PLEKHG1: variants seen among roughly 807,000 people sequenced by gnomAD.
The protein encoded by PLEKHG1 is pleckstrin homology and RhoGEF domain containing G1, also known as pleckstrin homology domain-containing family G member 1.
Under a neutral mutation model 100.8 loss-of-function variants are expected in PLEKHG1, and 44 were observed. The ratio of observed to expected loss-of-function variants is 0.44; its 90% confidence interval spans 0.34 to 0.56. The LOEUF (loss-of-function observed/expected upper bound fraction) is 0.56, where lower values mean the gene tolerates loss of function less well. Among genes scored for constraint, PLEKHG1 ranks in the 20% least tolerant of loss-of-function variants. PLEKHG1 has a pLI of 0.01. For missense variants in PLEKHG1, 1,545 were observed against 1,720.9 expected, an observed-to-expected ratio of 0.90 and a Z score of 1.81; for synonymous variants, 640 against 662.5, an observed-to-expected ratio of 0.97 and a Z score of 0.52.
At chr6:150,684,403 G>A (rs1780041463) in intron 3 of PLEKHG1, among the ~76,000 whole-genome samples, 3 of 152,358 alleles carry the variant, frequency 2.0e-5, no homozygotes, top group Non-Finnish European at 4.4e-5. Context: ...GTTCTCCTAC[G>A]TGGGAAATCC....
chr6:150,633,816 G>T (rs1396082333), intron 1 of PLEKHG1, among the ~76,000 whole-genome samples: 1 of 152,188 alleles, frequency 6.6e-6, no homozygotes, highest in East Asian at 1.9e-4. Context: ...GAGGCTGAGA[G>T]TCAGTGCAGA....
intron 4 of PLEKHG1, among the ~76,000 whole-genome samples, chr6:150,794,814 G>A (rs1786220376): frequency 6.6e-6 from 1 of 152,076 alleles, no homozygotes. Context: ...GTTGGACGAT[G>A]GAAACTTGGG....
chr6:150,821,251 T>C lies in PLEKHG1; in HGVS notation c.1447+18T>C. On this transcript the variant is annotated intron_variant, in intron 13 of 15. Transcript: ENST00000358517. ...GACCAGTGGTAAGTCGTAAAATATA[T>C]TTTCCTGTTTCATTCTTGTTGATAT... 1 of 1,568,718 alleles carries C rather than the reference T, an allele frequency of 6.4e-7. No homozygotes were observed. The highest frequency in any genetic ancestry group is 8.8e-7 in the Non-Finnish European group (1 of 1,139,020).
intron 3 of PLEKHG1, among the ~76,000 whole-genome samples, chr6:150,661,650 T>G (rs1779198702): frequency 6.6e-6 from 1 of 152,088 alleles, no homozygotes; most frequent in South Asian, 2.1e-4. Flanking sequence ...TGTTCTGGAG[T>G]GGTTCTTGCA....
chr6:150,627,674 G>A (rs11155745), intron 1 of PLEKHG1, among the ~76,000 whole-genome samples: 39,305 of 152,036 alleles, frequency 0.26, 5,599 homozygotes, highest in Non-Finnish European at 0.33. Flanking sequence ...AAAATCCAAC[G>A]TTGACACATA....
At chr6:150,758,850 C>T (rs1783996407) in intron 2 of PLEKHG1, among the ~76,000 whole-genome samples, 1 of 152,192 alleles carries the variant, frequency 6.6e-6, no homozygotes, top group South Asian at 2.1e-4. Flanking sequence ...TCAGAGCTTC[C>T]ATCTTTCTCT....
At chr6:150,775,617 G>A (rs1784921715) in intron 3 of PLEKHG1, among the ~76,000 whole-genome samples, 1 of 152,208 alleles carries the variant, frequency 6.6e-6, no homozygotes, top group Non-Finnish European at 1.5e-5. Context: ...GCTGAGGAAT[G>A]TGCAATTAAT....
chr6:150,787,380 C>T (rs879936666), intron 4 of PLEKHG1, among the ~76,000 whole-genome samples: 1 of 152,206 alleles, frequency 6.6e-6, no homozygotes, highest in Non-Finnish European at 1.5e-5. Flanking sequence ...CCTACCCTTT[C>T]CTACAATGTG....
At chr6:150,708,296 T>C (rs1403188338) in intron 3 of PLEKHG1, among the ~76,000 whole-genome samples, 1 of 152,128 alleles carries the variant, frequency 6.6e-6, no homozygotes, top group Admixed American at 6.5e-5. Flanking sequence ...AAGAATGGCC[T>C]TCTGCTTATT....
At chr6:150,766,212 GAGAATAA>G (rs536185656) in intron 2 of PLEKHG1, among the ~76,000 whole-genome samples, 127 of 152,266 alleles carry the variant, frequency 8.3e-4, no homozygotes, top group African/African-American at 3.0e-3. Context: ...GATCCTCTTG[GAGAATAA>G]TTGTTTTCAG....
chr6:150,677,284 A>G (rs1168523344), intron 3 of PLEKHG1, among the ~76,000 whole-genome samples: 1 of 101,934 alleles, frequency 9.8e-6, no homozygotes, highest in Admixed American at 1.1e-4. Flanking sequence ...TTCTTCCCCT[A>G]TACACACACA....
At position 150,698,497 on chromosome 6, in the gene PLEKHG1, T is replaced by TACACAC. The variant is rs1373891916; in HGVS notation, c.-98-35086_-98-35085insCACACA. Among the ~76,000 whole-genome samples, 170 of 23,560 alleles carry TACACAC rather than the reference T, an allele frequency of 7.2e-3. 1 individual carries two copies. Among genetic ancestry groups the TACACAC allele is most frequent in the African/African-American group, 0.018 (155 of 8,462 alleles). The allele number at this position is 23,560 out of a possible 152,430, so 15.5% of individuals were successfully genotyped here. On this transcript the variant is annotated intron_variant, in intron 3 of 3. Coordinates refer to the PLEKHG1 transcript ENST00000367326. ...GATTGCGTGTGTATACAATACTATA[T>TACACAC]ATACACACACACGTACATGAAAAAG...
chr6:150,737,902 C>T (rs1782658157), intron 2 of PLEKHG1, among the ~76,000 whole-genome samples: 1 of 152,022 alleles, frequency 6.6e-6, no homozygotes, highest in African/African-American at 2.4e-5. Flanking sequence ...CTCCTGGGCT[C>T]ATGCAATCCT....
chr6:150,674,642 T>TCTCC (rs1779685936), intron 3 of PLEKHG1, among the ~76,000 whole-genome samples: 3 of 120,562 alleles, frequency 2.5e-5, no homozygotes, highest in Non-Finnish European at 5.4e-5. Flanking sequence ...CCTCTCTCTC[T>TCTCC]CTCTCTCTCT....
intron 1 of PLEKHG1, among the ~76,000 whole-genome samples, chr6:150,631,063 A>C (rs899100358): frequency 6.6e-6 from 1 of 152,182 alleles, no homozygotes; most frequent in Non-Finnish European, 1.5e-5. Context: ...GCTAAAGCTG[A>C]AGCTCTCAAA....
intron 15 of PLEKHG1, among the ~76,000 whole-genome samples, chr6:150,838,101 A>G (rs911506935): frequency 6.6e-6 from 1 of 152,228 alleles, no homozygotes; most frequent in Non-Finnish European, 1.5e-5. Context: ...AAAAGAAATG[A>G]CAAAACTCAC....
rs1235151286 is a variant in PLEKHG1, at chr6:150,831,949, C to T, written c.2838C>T (p.Pro946=). 1 of 1,613,770 alleles carries T rather than the reference C, an allele frequency of 6.2e-7. No homozygotes were observed. The highest frequency in any genetic ancestry group is 8.5e-7 in the Non-Finnish European group (1 of 1,179,682). The stretch of plus-strand genomic sequence containing the variant: ...GTGAAATGCCCCTCATGGACAATCC[C>T]TACGACCTGGCCAACAGTGGCCTGT... The change falls in exon 15 of 16, where the codon CCC becomes CCT. Residue 946 remains proline (P), a synonymous_variant. Coordinates refer to ENST00000358517, the Ensembl canonical transcript of PLEKHG1. The surrounding 1 kb of genome is among the most constrained non-coding windows in gnomAD (Gnocchi z 4.1).
At chr6:150,783,158 G>A in intron 3 of PLEKHG1, among the ~76,000 whole-genome samples, 1 of 137,888 alleles carries the variant, frequency 7.3e-6, no homozygotes, top group Non-Finnish European at 1.5e-5. Flanking sequence ...AAAGAAATGG[G>A]GAAAAAAAAC....
chr6:150,712,770 A>C (rs1045847705), intron 3 of PLEKHG1, among the ~76,000 whole-genome samples: 7 of 152,356 alleles, frequency 4.6e-5, no homozygotes, highest in Non-Finnish European at 1.0e-4. Context: ...ATTAAACATA[A>C]GATGAAAGAT....
Sources: allele counts gnomAD v4.1 joint callset (sites outside exome capture counted in the v4.1 genomes callset), GRCh38; gene constraint gnomAD v4.1.1; non-coding constraint Gnocchi (gnomAD v3.1); transcripts MANE v1.5; gene names NCBI Gene and HGNC (gene_info 2026-07-23, HGNC 2026-07-21).